HUWE1: variants seen among roughly 807,000 people sequenced by gnomAD.
HUWE1 encodes E3 ubiquitin-protein ligase HUWE1.
In HUWE1, 18 loss-of-function variants were observed where a neutral mutation model predicts 299.4. The observed-to-expected ratio is 0.06, with a 90% confidence interval of 0.04 to 0.09. The LOEUF is 0.09. Among genes scored for constraint, HUWE1 ranks in the 10% least tolerant of loss-of-function variants. The pLI is 1.00. For synonymous variants in HUWE1, 1,317 were observed against 1,286.1 expected (o/e 1.02, Z -0.51); for missense variants, 1,832 against 3,462.3 (o/e 0.53, Z 11.82).
chrX:53,580,837 C>T lies in HUWE1; in HGVS notation c.5710G>A (p.Gly1904Arg). The change falls in exon 43 of 84, where the codon GGA (glycine) becomes AGA (arginine). Residue 1904 changes from glycine to arginine, a missense_variant. Around this residue, in one of 15 missense-constraint regions of HUWE1, gnomAD observed 47 missense variants for 45.8 expected, o/e 1.03. Transcript: ENST00000262854. ...RIALPAPRGS[G>R]TASDDEFENL... ...AGGAGCAAGCGAAACTTACCAGTTC[C>T]TGAGCCTCGAGGGGCAGGAAGGGCG... 1 of 1,211,602 alleles carries T rather than the reference C, an allele frequency of 8.3e-7. No homozygotes were observed. Among genetic ancestry groups the T allele is most frequent in the Non-Finnish European group, 1.1e-6 (1 of 895,343 alleles).
At position 53,614,627 on chromosome X, in the gene HUWE1, T is replaced by C; in HGVS notation, c.2168A>G (p.Glu723Gly). The change falls in exon 23 of 84, where the codon GAA (glutamate) becomes GGA (glycine). Residue 723 changes from glutamate to glycine, a missense_variant. Glu to Gly is a moderately conservative substitution (Grantham distance 98). Transcript: ENST00000262854. ...APPPRSNHAA[E>G]EASSEDEEEE... ...CTCCTCATCCTCACTAGAGGCTTCTTCTGCGGCATGATTAGACCTTGGGGG... is the reference window on the plus strand; with the variant it reads ...CTCCTCATCCTCACTAGAGGCTTCTCCTGCGGCATGATTAGACCTTGGGGG... 8.3e-7 allele frequency: 1 copy of C among 1,209,675 alleles called. No homozygotes were observed. The highest frequency in any genetic ancestry group is 1.8e-5 in the South Asian group (1 of 56,928).
rs2061485531 is a variant in HUWE1 at position 53,544,908 on chromosome X, G to A, written c.11048+121C>T. 4.2e-6 allele frequency: 4 copies of A among 941,279 alleles called. No individual in the cohort carries two copies. The South Asian group carries it at 8.1e-5, about 19-fold the overall frequency. 77.6% of individuals were successfully genotyped at this position (941,279 alleles called of 1,213,427 possible). A position where few individuals can be genotyped will look rare whatever the true frequency, so the allele number is the denominator to read the frequency against. ...TAGGAAGTAGAAAAAAATGGGTCAA[G>A]TGTGTATAGGAAAGATACGAAAATC... On this transcript the variant is annotated intron_variant, in intron 71 of 83. Transcript: ENST00000262854.
chrX:53,642,383 A>G (rs2067657241), intron 7 of HUWE1, among the ~76,000 whole-genome samples: 1 of 112,222 alleles, frequency 8.9e-6, no homozygotes, highest in Non-Finnish European at 1.9e-5. Flanking sequence ...AGAAGCCATC[A>G]ATGTTGCTGT....
At chrX:53,642,179 T>C (rs1569506392) in intron 7 of HUWE1, among the ~76,000 whole-genome samples, 1 of 112,196 alleles carries the variant, frequency 8.9e-6, no homozygotes, top group Non-Finnish European at 1.9e-5. Flanking sequence ...GGGAGACTAC[T>C]GTACTTGTTC....
intron 49 of HUWE1, among the ~76,000 whole-genome samples, chrX:53,566,222 A>G (rs1427461147): frequency 9.9e-6 from 1 of 101,356 alleles, no homozygotes; most frequent in African/African-American, 3.6e-5. Flanking sequence ...AAAAGTAACC[A>G]AGACTCGTCA....
Position 53,550,715 on chromosome X carries a change from C to T in HUWE1, c.9439G>A (p.Val3147Met). 1.7e-6 allele frequency: 2 copies of T among 1,211,894 alleles called. No homozygotes were observed. The highest frequency in any genetic ancestry group is 2.2e-6 in the Non-Finnish European group (2 of 895,538). ...NRGVQYTRLA[V>M]QRGGTFQMGG... is the part of the protein sequence containing the mutation. ...ATCTGGAAGGTGCCACCTCTCTGCA[C>T]AGCAAGGCGAGTATACTGGACCCCA... Residue 3147 changes from valine to methionine, a missense_variant, in exon 66 of 84, where the codon GTG becomes ATG. Physicochemically the swap from Val to Met is conservative, Grantham distance 21 (BLOSUM62 1). Coordinates refer to ENST00000262854, the MANE Select transcript of HUWE1 (RefSeq NM_031407.7).
chrX:53,648,108 C>T, intron 5 of HUWE1, 104 bp downstream of exon 5: 1 of 565,733 alleles, frequency 1.8e-6, no homozygotes, highest in South Asian at 2.4e-5. Flanking sequence ...TTATTAATTG[C>T]TGAATGAGGC....
At chrX:53,671,967 A>ACATACAAAAGTATGTTCAC (rs1197322817) in intron 3 of HUWE1, among the ~76,000 whole-genome samples, 10 of 109,308 alleles carry the variant, frequency 9.1e-5, no homozygotes, top group Middle Eastern at 4.3e-3. Context: ...AACACAGCAA[A>ACATACAAAAGTATGTTCAC]AGGTGTGAAC....
intron 47 of HUWE1, among the ~76,000 whole-genome samples, chrX:53,572,290 G>T (rs1556952449): frequency 9.0e-6 from 1 of 111,651 alleles, no homozygotes; most frequent in Non-Finnish European, 1.9e-5. Flanking sequence ...AGGTGAAATG[G>T]GTGGGAGGAG....
chrX:53,675,998 ACTACT>A (rs1236213699), intron 3 of HUWE1, among the ~76,000 whole-genome samples: 3 of 111,083 alleles, frequency 2.7e-5, no homozygotes, highest in African/African-American at 9.8e-5. Context: ...AAAGTGAAAA[ACTACT>A]CTATGGAACA....
intron 48 of HUWE1, among the ~76,000 whole-genome samples, chrX:53,569,092 C>T (rs993378477): frequency 2.4e-4 from 27 of 111,822 alleles, no homozygotes; most frequent in African/African-American, 8.5e-4. Context: ...AGTACAGTGG[C>T]GCAATCTTGG....
At chrX:53,648,377 A>C in intron 4 of HUWE1, 67 bp from the exon 5 acceptor site, 1 of 643,026 alleles carries the variant, frequency 1.6e-6, no homozygotes. Flanking sequence ...GGAGAATCAG[A>C]AAAGGAACCC....
intron 52 of HUWE1, among the ~76,000 whole-genome samples, chrX:53,563,419 T>C (rs782026337): frequency 9.0e-6 from 1 of 111,128 alleles, no homozygotes; most frequent in African/African-American, 3.3e-5. Context: ...CTGGACTTCA[T>C]TGAAGAACTG....
At chrX:53,535,900 G>T (rs969205134) in intron 80 of HUWE1, 55 of 367,160 alleles carry the variant, frequency 1.5e-4, no homozygotes, top group Admixed American at 1.1e-3. Context: ...CTACCCTTGG[G>T]AATGAGGAAT....
At chrX:53,539,130 C>T (rs2061219291) in intron 75 of HUWE1, 50 bp from the exon 76 acceptor site, 6 of 1,130,063 alleles carry the variant, frequency 5.3e-6, no homozygotes, top group Non-Finnish European at 7.2e-6. Flanking sequence ...CAAACTTCAA[C>T]ATGCAAACCT....
chrX:53,565,004 G>A (rs1334233407), intron 50 of HUWE1, 63 bp downstream of exon 50: 1 of 1,093,300 alleles, frequency 9.1e-7, no homozygotes, highest in Non-Finnish European at 1.3e-6. Flanking sequence ...CAGAACAGTT[G>A]TGATCCCAGG....
In HUWE1 at chrX:53,681,383, G is replaced by A. The variant is rs1297970597; in HGVS notation, c.-162-1197C>T. On this transcript the variant is annotated intron_variant, in intron 2 of 83. Transcript: ENST00000262854. Reference sequence around the variant, plus strand: ...CAGGAGGCGGAGGTTGCAGTGAGCCGAGATCGCGCCACTGCACTCCAGCCT... The same window carrying A: ...CAGGAGGCGGAGGTTGCAGTGAGCCAAGATCGCGCCACTGCACTCCAGCCT... Among the ~76,000 whole-genome samples, 3 of 105,053 alleles carry A rather than the reference G, an allele frequency of 2.9e-5. No individual in the cohort carries two copies. The Admixed American group carries it at 3.1e-4, about 11-fold the overall frequency. 91.2% of individuals were successfully genotyped at this position (105,053 alleles called of 115,157 possible).
At chrX:53,567,137 G>A (rs1271772602) in intron 49 of HUWE1, among the ~76,000 whole-genome samples, 3 of 111,898 alleles carry the variant, frequency 2.7e-5, no homozygotes, top group Non-Finnish European at 5.6e-5. Context: ...GGAGACAGAT[G>A]ATCAAGTACT....
Position 53,608,841 on chromosome X carries a change from T to C in HUWE1, c.2319+11A>G, listed in dbSNP as rs781971488. On this transcript the variant is annotated intron_variant, in intron 24 of 83. Coordinates refer to ENST00000262854, the MANE Select transcript of HUWE1 (RefSeq NM_031407.7). Reference sequence around the variant, plus strand: ...ACATCTTTACTCAGTTTGCCCTGTGTTGAATCTTACCACATTAAGGATGTA... The same window carrying C: ...ACATCTTTACTCAGTTTGCCCTGTGCTGAATCTTACCACATTAAGGATGTA... 3.6e-6 allele frequency: 4 copies of C among 1,105,919 alleles called. No homozygotes were observed. Among genetic ancestry groups the C allele is most frequent in the Non-Finnish European group, 5.0e-6 (4 of 798,728 alleles). The allele number at this position is 1,105,919 out of a possible 1,213,427, so 91.1% of individuals were successfully genotyped here.
Sources: gnomAD v4.1 joint callset for allele counts (sites outside exome capture counted in the v4.1 genomes callset) on GRCh38, gnomAD v4.1.1 for gene constraint, gnomAD v4.1.1 regional missense constraint, MANE v1.5 for transcripts, NCBI Gene and HGNC (gene_info 2026-07-23, HGNC 2026-07-21) for gene names.